Variants in LMNA observed in about 807,000 individuals in gnomAD.
The protein encoded by LMNA is lamin A/C, also known as lamin.
In LMNA, 20 loss-of-function variants were observed where a neutral mutation model predicts 70.4. The ratio of observed to expected loss-of-function variants is 0.28; its 90% CI spans 0.20 to 0.41. LMNA has a LOEUF of 0.41. LMNA is among the 10% of genes least tolerant of loss of function. The probability of loss-of-function intolerance (pLI) is 1.00; values close to 1 mark genes in which losing one functional copy is unlikely to be tolerated. For synonymous variants in LMNA, 339 were observed against 372.8 expected (o/e 0.91, Z 1.04); for missense variants, 652 against 917.2 (o/e 0.71, Z 3.73).
At chr1:156,111,745 C>T (rs966655475), upstream of LMNA, among the ~76,000 whole-genome samples, 17 of 152,226 alleles carry the variant, frequency 1.1e-4, no homozygotes, top group Admixed American at 2.0e-4. Flanking sequence ...AGCCACTCTA[C>T]CCATACTACA....
rs948372100 is a variant in LMNA, at chr1:156,136,543, G to A, written c.1380+107G>A. ...GGAACATCCTTGCCCTCAGAGGGTGGACCAGGGTGAGCCTGTATATCTCCT... is the reference window on the plus strand; with the variant it reads ...GGAACATCCTTGCCCTCAGAGGGTGAACCAGGGTGAGCCTGTATATCTCCT... On this transcript the variant is annotated intron_variant, in intron 7 of 11. Coordinates refer to ENST00000368300, the MANE Select transcript of LMNA (RefSeq NM_170707.4). The surrounding 1 kb of genome is among the most constrained non-coding windows in gnomAD (Gnocchi z 6.1). The A allele has an allele frequency of 2.8e-5, 33 of 1,186,936 alleles. No homozygotes were observed. The highest frequency in any genetic ancestry group is 4.0e-5 in the Non-Finnish European group (33 of 829,244). 73.5% of individuals were successfully genotyped at this position (1,186,936 alleles called of 1,614,324 possible). A position where few individuals can be genotyped will look rare whatever the true frequency, so the allele number is the denominator to read the frequency against.
At chr1:156,108,457 C>T (rs1649427450) in intron 3 of LMNA, among the ~76,000 whole-genome samples, 1 of 152,074 alleles carries the variant, frequency 6.6e-6, no homozygotes, top group African/African-American at 2.4e-5. Context: ...CTTGGCTTTC[C>T]AATTCAGGCA....
rs189575540 is a variant in LMNA at position 156,099,732 on chromosome 1, A to G, written c.-207+9150A>G. ...ACCCTACAGAGTCTACTAAAAATAC[A>G]AAAATTAGCTGGGCGTGCTGGTGTG... On this transcript the variant is annotated intron_variant, in intron 3 of 12. Coordinates refer to the LMNA transcript ENST00000368301. 3.7e-3 allele frequency among the ~76,000 whole-genome samples: 561 copies of G among 152,112 alleles called. 3 individuals carry two copies. Among genetic ancestry groups the G allele is most frequent in the African/African-American group, 0.013 (544 of 41,460 alleles).
Position 156,136,169 on chromosome 1 carries a change from GC to G in LMNA, c.1158-44del. On this transcript the variant is annotated intron_variant, in intron 6 of 11. Coordinates refer to ENST00000368300, the MANE Select transcript of LMNA (RefSeq NM_170707.4). The surrounding 1 kb of genome is among the most constrained non-coding windows in gnomAD (Gnocchi z 6.1). Reference sequence around the variant, plus strand: ...AGGTGCTGGCAGTGTCCTCTGGCCGGCAACTGGCCTTGACTAGACCCCCACT... The same window carrying G: ...AGGTGCTGGCAGTGTCCTCTGGCCGGAACTGGCCTTGACTAGACCCCCACT... 3 of 1,612,976 alleles carry G rather than the reference GC, an allele frequency of 1.9e-6. No individual in the cohort carries two copies. The highest frequency in any genetic ancestry group is 2.5e-6 in the Non-Finnish European group (3 of 1,179,552).
chr1:156,124,995 G>A (rs1168272716), intron 1 of LMNA, among the ~76,000 whole-genome samples: 2 of 152,188 alleles, frequency 1.3e-5, no homozygotes, highest in Non-Finnish European at 2.9e-5. Context: ...AGTGTCCTCA[G>A]GTGACCTGGG....
Position 156,134,729 on chromosome 1 carries a change from G to A in LMNA, c.640-76G>A. 6.3e-7 allele frequency: 1 copy of A among 1,595,746 alleles called. No homozygotes were observed. The highest frequency in any genetic ancestry group is 1.1e-5 in the South Asian group (1 of 90,422). ...CTCATGGAGTAGGGCTGGGCAGGGAGCCCCGCCCCTGGGTCTTGGCCTCCC... is the reference window on the plus strand; with the variant it reads ...CTCATGGAGTAGGGCTGGGCAGGGAACCCCGCCCCTGGGTCTTGGCCTCCC... On this transcript the variant is annotated intron_variant, in intron 3 of 11. Coordinates refer to ENST00000368300, the MANE Select transcript of LMNA (RefSeq NM_170707.4). This position sits in a 1 kb window ranked among gnomAD's most constrained non-coding sequence, Gnocchi z 5.3.
chr1:156,111,581 G>A (rs1365070933), upstream of LMNA, among the ~76,000 whole-genome samples: 1 of 152,184 alleles, frequency 6.6e-6, no homozygotes, highest in Non-Finnish European at 1.5e-5. Context: ...GTCCTCTACT[G>A]CTCTTTAATC....
intron 1 of LMNA, among the ~76,000 whole-genome samples, chr1:156,122,776 G>C (rs758933897): frequency 6.6e-6 from 1 of 152,218 alleles, no homozygotes; most frequent in Admixed American, 6.5e-5. Context: ...CTGGAACCGG[G>C]GGGAGGGGCA....
At chr1:156,130,822 C>T in intron 2 of LMNA, 49 bp downstream of exon 2, 1 of 1,530,770 alleles carries the variant, frequency 6.5e-7, no homozygotes, top group South Asian at 1.2e-5. Context: ...AACACATGTA[C>T]ACTCACTCTT....
At chr1:156,110,634 C>T (rs961804997), upstream of LMNA, among the ~76,000 whole-genome samples, 2 of 145,378 alleles carry the variant, frequency 1.4e-5, no homozygotes, top group African/African-American at 5.2e-5. Context: ...CACTTGACTC[C>T]AGGAGTTCAA....
chr1:156,098,736 G>A (rs1193644109), intron 3 of LMNA, among the ~76,000 whole-genome samples: 2 of 152,168 alleles, frequency 1.3e-5, no homozygotes, highest in Non-Finnish European at 2.9e-5. Context: ...AATGTTGTCA[G>A]TTGTCAGGGA....
intron 3 of LMNA, among the ~76,000 whole-genome samples, chr1:156,106,488 C>T (rs909604695): frequency 2.6e-5 from 4 of 152,254 alleles, no homozygotes; most frequent in Admixed American, 1.3e-4. Flanking sequence ...TCGCCTGCGT[C>T]AGCACCAGCC....
chr1:156,097,310 G>A (rs928394945), intron 3 of LMNA, among the ~76,000 whole-genome samples: 5 of 152,196 alleles, frequency 3.3e-5, no homozygotes, highest in Non-Finnish European at 7.3e-5. Context: ...CTGGTGCTGG[G>A]GACCGGATGC....
intron 3 of LMNA, among the ~76,000 whole-genome samples, chr1:156,095,062 C>T (rs577228858): frequency 1.3e-5 from 2 of 152,240 alleles, no homozygotes; most frequent in South Asian, 4.1e-4. Flanking sequence ...GCTGGGACTA[C>T]AGGCGCACGC....
chr1:156,132,757 C>G (rs904891797), intron 2 of LMNA, among the ~76,000 whole-genome samples: 2 of 151,928 alleles, frequency 1.3e-5, no homozygotes, highest in African/African-American at 4.8e-5. Flanking sequence ...CCCAGCCCTT[C>G]CTGGATGCAC....
intron 1 of LMNA, chr1:156,126,840 C>T (rs1490375822): frequency 1.2e-6 from 2 of 1,612,036 alleles, no homozygotes; most frequent in Non-Finnish European, 1.7e-6. Context: ...CTGGAGGATG[C>T]AAGGGAAAGG....
chr1:156,117,969 A>ATTTTTTTTTTTT (rs1186679791), intron 1 of LMNA, among the ~76,000 whole-genome samples: 50 of 91,892 alleles, frequency 5.4e-4, no homozygotes, highest in Non-Finnish European at 7.0e-4. Context: ...CGCTTGGCTA[A>ATTTTTTTTTTTT]TTTTTTTTTT....
At chr1:156,098,251 G>T (rs1003932346) in intron 3 of LMNA, among the ~76,000 whole-genome samples, 3 of 152,188 alleles carry the variant, frequency 2.0e-5, no homozygotes, top group Non-Finnish European at 4.4e-5. Context: ...TGTTTTGAAG[G>T]TGTGAAAGCT....
chr1:156,139,620 G>C lies in LMNA; in HGVS notation c.*514G>C. 3.5e-6 allele frequency: 5 copies of C among 1,431,412 alleles called. No individual in the cohort carries two copies. The highest frequency in any genetic ancestry group is 3.6e-6 in the Non-Finnish European group (4 of 1,098,896). 88.7% of individuals were successfully genotyped at this position (1,431,412 alleles called of 1,614,324 possible). On this transcript the variant is annotated 3_prime_UTR_variant, in exon 12 of 12. Transcript: ENST00000368300. ...GAGAGAGAGAGGACAGCTTGAGCCG[G>C]GCCCCTGGGCTTGGCCTGCTGTGAT...
Sources: allele counts gnomAD v4.1 joint callset (sites outside exome capture counted in the v4.1 genomes callset), GRCh38; gene constraint gnomAD v4.1.1; non-coding constraint Gnocchi (gnomAD v3.1); transcripts MANE v1.5; gene names NCBI Gene and HGNC (gene_info 2026-07-23, HGNC 2026-07-21).